The following HEPH variants were observed in gnomAD, a reference collection of about 807,000 sequenced individuals.
HEPH encodes the protein hephaestin.
Under a neutral mutation model 80.8 loss-of-function variants are expected in HEPH, and 69 were observed. That is an observed-to-expected ratio of 0.85 (90% CI 0.70 to 1.04). HEPH has a LOEUF of 1.04. Ranked by LOEUF, HEPH falls within the 50% of genes least tolerant of loss-of-function variation. HEPH has a pLI of 0.00. For synonymous variants in HEPH, 431 were observed against 322.8 expected, an observed-to-expected ratio of 1.34 and a Z score of -3.60; for missense variants, 1,115 against 891.3, an observed-to-expected ratio of 1.25 and a Z score of -3.20.
intron 15 of HEPH, among the ~76,000 whole-genome samples, chrX:66,212,146 G>A (rs1015943972): frequency 9.5e-6 from 1 of 105,643 alleles, no homozygotes; most frequent in African/African-American, 3.5e-5. Flanking sequence ...GTCTTATTTT[G>A]AGAAATGTCT....
At chrX:66,168,291 G>T (rs2086457937) in intron 1 of HEPH, among the ~76,000 whole-genome samples, 1 of 112,096 alleles carries the variant, frequency 8.9e-6, no homozygotes, top group African/African-American at 3.2e-5. Flanking sequence ...TTAACAAACT[G>T]CAGCCAGGAG....
intron 19 of HEPH, among the ~76,000 whole-genome samples, 172 bp from the exon 20 acceptor site, chrX:66,263,472 C>A (rs2091429597): frequency 8.9e-6 from 1 of 111,959 alleles, no homozygotes; most frequent in Non-Finnish European, 1.9e-5. Context: ...TGTTCAAAAT[C>A]AAATCAACAT....
At chrX:66,174,664 A>T (rs1235763932) in intron 4 of HEPH, among the ~76,000 whole-genome samples, 2 of 111,546 alleles carry the variant, frequency 1.8e-5, no homozygotes, top group African/African-American at 6.5e-5. Context: ...ACCACATCCA[A>T]GCCAACATCT....
intron 11 of HEPH, among the ~76,000 whole-genome samples, chrX:66,200,241 G>GTGTGT (rs1555992200): frequency 1.1e-5 from 1 of 91,231 alleles, no homozygotes; most frequent in South Asian, 4.8e-4. Context: ...AGGAGAGATT[G>GTGTGT]GTGTGTGTGT....
At chrX:66,172,985 G>A (rs1325386510) in intron 3 of HEPH, among the ~76,000 whole-genome samples, 1 of 112,269 alleles carries the variant, frequency 8.9e-6, no homozygotes, top group Admixed American at 9.4e-5. Flanking sequence ...GTTCCATTTT[G>A]TTTTTCCCTA....
chrX:66,234,680 A>G (rs1036213994), intron 15 of HEPH, among the ~76,000 whole-genome samples: 2 of 108,400 alleles, frequency 1.8e-5, no homozygotes, highest in African/African-American at 3.4e-5. Flanking sequence ...TCTGTTGCCC[A>G]TGCTAGACTG....
chrX:66,260,787 G>A (rs1180882615), intron 19 of HEPH, among the ~76,000 whole-genome samples: 1 of 108,508 alleles, frequency 9.2e-6, no homozygotes, highest in Non-Finnish European at 1.9e-5. Context: ...TTTTCTTAGA[G>A]TAAAGGTCTT....
chrX:66,197,438 T>A (rs1156573287), intron 9 of HEPH, among the ~76,000 whole-genome samples: 1 of 111,046 alleles, frequency 9.0e-6, no homozygotes, highest in Admixed American at 9.6e-5. Context: ...GTCCTATGAT[T>A]TTGGAAAACT....
intron 4 of HEPH, among the ~76,000 whole-genome samples, chrX:66,174,085 T>C (rs998608046): frequency 1.8e-5 from 2 of 110,061 alleles, no homozygotes; most frequent in Admixed American, 1.9e-4. Context: ...TTAGCGGTGA[T>C]TTGTGAGATT....
chrX:66,189,837 A>T lies in HEPH; in HGVS notation c.962A>T (p.Asp321Val), dbSNP rs2087695370. The T allele has an allele frequency of 8.3e-7, 1 of 1,209,906 alleles. No homozygotes were observed. The highest frequency in any genetic ancestry group is 3.0e-5 in the East Asian group (1 of 33,813). Reference sequence around the variant, plus strand: ...CTGACTACCCGTGGACACCACACTGATGTGGCTAACATCTTTCCAGCCACC... The same window carrying T: ...CTGACTACCCGTGGACACCACACTGTTGTGGCTAACATCTTTCCAGCCACC... ...QMLTTRGHHT[D>V]VANIFPATFV... The change falls in exon 6 of 21, where the codon GAT becomes GTT. Residue 321 changes from aspartate (D) to valine (V), a missense_variant. Around this residue, in one of 3 missense-constraint regions of HEPH, gnomAD observed 391 missense variants for 343.6 expected, o/e 1.14. Coordinates refer to ENST00000343002, the MANE Select transcript of HEPH (RefSeq NM_001367233.3).
upstream of HEPH, among the ~76,000 whole-genome samples, chrX:66,163,127 C>G (rs191622231): frequency 1.3e-3 from 146 of 111,541 alleles, 1 homozygote; most frequent in Middle Eastern, 4.6e-3. Flanking sequence ...GGGTCCATAT[C>G]TAGTTTAAGA....
chrX:66,261,605 G>A (rs1054003107), intron 19 of HEPH, among the ~76,000 whole-genome samples: 1 of 106,869 alleles, frequency 9.4e-6, no homozygotes, highest in Non-Finnish European at 1.9e-5. Context: ...ATGGTTTTCT[G>A]GGGTTGTCAG....
chrX:66,203,253 A>C (rs2088566525), intron 12 of HEPH, 111 bp from the exon 13 acceptor site: 1 of 577,942 alleles, frequency 1.7e-6, no homozygotes, highest in Admixed American at 3.4e-5. Flanking sequence ...CTTATCTGAG[A>C]CTATCTGAAA....
chrX:66,258,643 GA>G (rs1443886879), intron 17 of HEPH, among the ~76,000 whole-genome samples, 196 bp from the exon 18 acceptor site: 5 of 111,307 alleles, frequency 4.5e-5, no homozygotes, highest in Non-Finnish European at 9.4e-5. Flanking sequence ...CAGTCACTTA[GA>G]GAGATAATTT....
At chrX:66,214,899 T>G (rs2089321403) in intron 15 of HEPH, among the ~76,000 whole-genome samples, 1 of 111,474 alleles carries the variant, frequency 9.0e-6, no homozygotes, top group Admixed American at 9.6e-5. Context: ...TATTATGGGT[T>G]TGAAATTTGT....
At chrX:66,190,903 A>G (rs929641576) in intron 6 of HEPH, among the ~76,000 whole-genome samples, 19 of 111,794 alleles carry the variant, frequency 1.7e-4, no homozygotes, top group Admixed American at 4.7e-4. Flanking sequence ...TGATAGTGGA[A>G]TAAGCATAGA....
At chrX:66,234,874 C>T (rs1196542755) in intron 15 of HEPH, among the ~76,000 whole-genome samples, 5 of 110,305 alleles carry the variant, frequency 4.5e-5, no homozygotes, top group Non-Finnish European at 9.5e-5. Context: ...GTCTTGAACT[C>T]CTGACCTCAA....
intron 15 of HEPH, among the ~76,000 whole-genome samples, chrX:66,213,926 A>T (rs1415523085): frequency 8.9e-6 from 1 of 112,312 alleles, no homozygotes; most frequent in Non-Finnish European, 1.9e-5. Context: ...GACAAGAAAG[A>T]TGTTAATTTG....
rs1163195084 is a variant in HEPH, at chrX:66,256,267, T to A, written c.2833T>A (p.Ser945Thr). The A allele has an allele frequency of 8.3e-7, 1 of 1,210,870 alleles. No individual in the cohort carries two copies. The highest frequency in any genetic ancestry group is 1.8e-5 in the South Asian group (1 of 56,950). The change falls in exon 17 of 21, where the codon TCC becomes ACC. Residue 945 changes from serine (S) to threonine (T), a missense_variant. Transcript: ENST00000343002. Reference sequence around the variant, plus strand: ...GGAGGAAAATGTGGCAACCCATGGGTCCCAGGATCCAGGCAGTATTAACCT... The same window carrying A: ...GGAGGAAAATGTGGCAACCCATGGGACCCAGGATCCAGGCAGTATTAACCT... ...YLEENVATHG[S>T]QDPGSINLQD...
Sources: gnomAD v4.1 joint callset for allele counts (sites outside exome capture counted in the v4.1 genomes callset) on GRCh38, gnomAD v4.1.1 for gene constraint, gnomAD v4.1.1 regional missense constraint, MANE v1.5 for transcripts, NCBI Gene and HGNC (gene_info 2026-07-23, HGNC 2026-07-21) for gene names.